GLI2: variants seen among roughly 807,000 people sequenced by gnomAD.
GLI2 encodes GLI family zinc finger 2.
A neutral mutation model predicts 78.9 loss-of-function variants in GLI2; 22 were observed. The ratio of observed to expected loss-of-function variants is 0.28; its 90% CI spans 0.20 to 0.40. The LOEUF (loss-of-function observed/expected upper bound fraction) is 0.40. Ranked by LOEUF, GLI2 falls within the 10% of genes least tolerant of loss-of-function variation. The pLI, the probability that GLI2 is intolerant of heterozygous loss-of-function variation, is 1.00. For synonymous variants in GLI2, 974 were observed against 963.7 expected, an observed-to-expected ratio of 1.01 and a Z score of -0.20; for missense variants, 2,097 against 2,213.2, an observed-to-expected ratio of 0.95 and a Z score of 1.05.
rs1310424711 is a variant in GLI2, at chr2:120,735,888, C to A, written c.-428C>A. Among the ~76,000 whole-genome samples, 1 of 151,898 alleles carries A rather than the reference C, an allele frequency of 6.6e-6. No individual in the cohort carries two copies. Among genetic ancestry groups the A allele is most frequent in the Non-Finnish European group, 1.5e-5 (1 of 67,954 alleles). On this transcript the variant is annotated 5_prime_UTR_variant, in exon 1 of 14. Transcript: ENST00000361492. ...GCGGCGCTGATGGATTGCAGAAGTG[C>A]CGGCGCTTGCCAGCCGAGGCAGCAC...
intron 2 of GLI2, among the ~76,000 whole-genome samples, chr2:120,858,414 T>TA (rs1687758388): frequency 1.3e-5 from 2 of 152,302 alleles, no homozygotes; most frequent in Admixed American, 1.3e-4. Flanking sequence ...TTTGTTGAGT[T>TA]AAAATGGGCA....
chr2:120,832,576 C>G (rs1482780832), intron 2 of GLI2, among the ~76,000 whole-genome samples: 1 of 152,220 alleles, frequency 6.6e-6, no homozygotes, highest in Non-Finnish European at 1.5e-5. Context: ...TCTCCCACCC[C>G]CAGCCCAGGG....
intron 1 of GLI2, among the ~76,000 whole-genome samples, chr2:120,772,206 A>G (rs575967588): frequency 4.1e-4 from 62 of 152,260 alleles, no homozygotes; most frequent in African/African-American, 1.5e-3. Context: ...GCCTTGGACC[A>G]GGAGAGGGTA....
At chr2:120,807,222 G>A (rs912148830) in intron 2 of GLI2, among the ~76,000 whole-genome samples, 10 of 152,176 alleles carry the variant, frequency 6.6e-5, no homozygotes, top group African/African-American at 1.9e-4. Context: ...TGGGGCCTGG[G>A]CTTGGACAGG....
chr2:120,960,699 A>G (rs903219156), intron 5 of GLI2, among the ~76,000 whole-genome samples: 1 of 152,208 alleles, frequency 6.6e-6, no homozygotes, highest in Admixed American at 6.5e-5. Flanking sequence ...AACACACTGC[A>G]GTGGTGGAAG....
chr2:120,855,116 G>A (rs1028385459), intron 2 of GLI2, among the ~76,000 whole-genome samples: 5 of 152,242 alleles, frequency 3.3e-5, no homozygotes, highest in Non-Finnish European at 5.9e-5. Context: ...ATGAGCAGAG[G>A]AAAACAGAAC....
intron 2 of GLI2, among the ~76,000 whole-genome samples, chr2:120,910,383 C>T (rs144499885): frequency 6.6e-6 from 1 of 152,338 alleles, no homozygotes; most frequent in African/African-American, 2.4e-5. Flanking sequence ...ACATCCATCA[C>T]CCCATTTCCT....
chr2:120,778,464 G>A (rs574773605), intron 1 of GLI2, among the ~76,000 whole-genome samples: 9 of 152,304 alleles, frequency 5.9e-5, no homozygotes, highest in African/African-American at 1.9e-4. Flanking sequence ...GTTACCTGCC[G>A]GGTTCCTAGG....
At chr2:120,811,953 G>T (rs1456648457) in intron 2 of GLI2, among the ~76,000 whole-genome samples, 1 of 152,060 alleles carries the variant, frequency 6.6e-6, no homozygotes, top group Non-Finnish European at 1.5e-5. Flanking sequence ...GAACACACAG[G>T]CAAGGTCCAC....
At chr2:120,847,316 C>G (rs141224032) in intron 2 of GLI2, among the ~76,000 whole-genome samples, 171 of 151,906 alleles carry the variant, frequency 1.1e-3, no homozygotes, top group African/African-American at 3.7e-3. Context: ...AGCCCAGAAG[C>G]CTGGATTATA....
At chr2:120,801,299 C>T (rs528637409) in intron 2 of GLI2, among the ~76,000 whole-genome samples, 18 of 152,148 alleles carry the variant, frequency 1.2e-4, no homozygotes, top group Non-Finnish European at 2.6e-4. Context: ...CCACCATGCC[C>T]GGCTAATTTT....
rs1166401747 is a variant in GLI2 at position 120,940,317 on chromosome 2, C to A, written c.255-10926C>A. Among the ~76,000 whole-genome samples the A allele has an allele frequency of 3.9e-5, 6 of 152,298 alleles. No individual in the cohort carries two copies. In the East Asian group the frequency reaches 1.2e-3, roughly 29 times the overall value. ...GACATTTCTACTATGTTTTTCCCTG[C>A]ATGTTCTCCTCCCACCCAGATGTCT... On this transcript the variant is annotated intron_variant, in intron 3 of 13. Transcript: ENST00000361492.
chr2:120,964,903 C>T (rs1309306778), intron 5 of GLI2, among the ~76,000 whole-genome samples: 1 of 152,246 alleles, frequency 6.6e-6, no homozygotes, highest in Non-Finnish European at 1.5e-5. Flanking sequence ...CTTCTTTGGA[C>T]CTGGGTTCAA....
rs140200659 is a variant in GLI2 at position 120,970,056 on chromosome 2, C to T, written c.846-337C>T. The stretch of plus-strand genomic sequence containing the variant: ...GGATTCGGAGGCCTCATGGGTTTCA[C>T]GTAGTCAGGGAGCAGCGATACAGAC... On this transcript the variant is annotated intron_variant, in intron 6 of 13. Transcript: ENST00000361492. Among the ~76,000 whole-genome samples the T allele has an allele frequency of 3.6e-4, 55 of 152,234 alleles. No individual in the cohort carries two copies. The South Asian group carries it at 5.2e-3, about 14-fold the overall frequency.
At chr2:120,920,073 A>C (rs1362446001) in intron 2 of GLI2, among the ~76,000 whole-genome samples, 1 of 152,228 alleles carries the variant, frequency 6.6e-6, no homozygotes, top group East Asian at 1.9e-4. Context: ...CAGCGACCAC[A>C]TGCTTCCAAG....
At chr2:120,832,060 A>T (rs1686388464) in intron 2 of GLI2, among the ~76,000 whole-genome samples, 1 of 152,168 alleles carries the variant, frequency 6.6e-6, no homozygotes, top group South Asian at 2.1e-4. Context: ...ACAGCATGGT[A>T]CTTGCTTGGT....
intron 1 of GLI2, among the ~76,000 whole-genome samples, chr2:120,759,622 G>A (rs147504855): frequency 3.1e-3 from 470 of 152,294 alleles, no homozygotes; most frequent in African/African-American, 0.011. Context: ...CATGTGCTCA[G>A]CTATCTCTGG....
Position 120,797,405 on chromosome 2 carries a change from G to T in GLI2, c.85G>T (p.Gly29Cys). 6.2e-7 allele frequency: 1 copy of T among 1,614,070 alleles called. No individual in the cohort carries two copies. Among genetic ancestry groups the T allele is most frequent in the South Asian group, 1.1e-5 (1 of 91,066 alleles). The part of the protein sequence containing the change: ...ILEAAGFPDP[G>C]KKASPLVVAA... ...GGAGGCCGCTGGCTTCCCCGACCCG[G>T]GTAAAAAGGCCTCTCCTTTGGTGGT... Residue 29 changes from glycine (G) to cysteine (C), a missense_variant, in exon 2 of 14, where the codon GGT (glycine) becomes TGT (cysteine). This residue lies in a region of GLI2 where 578 missense variants were observed against 612.0 expected (regional missense o/e 0.94). Coordinates refer to ENST00000361492, the MANE Select transcript of GLI2 (RefSeq NM_001374353.1).
chr2:120,955,510 T>G, intron 5 of GLI2, 80 bp downstream of exon 5: 1 of 994,780 alleles, frequency 1.0e-6, no homozygotes, highest in Non-Finnish European at 1.5e-6. Context: ...GCTGTTTCTT[T>G]TGGGGACAAG....
Sources: gnomAD v4.1 joint callset for allele counts (sites outside exome capture counted in the v4.1 genomes callset) on GRCh38, gnomAD v4.1.1 for gene constraint, gnomAD v4.1.1 regional missense constraint, MANE v1.5 for transcripts, NCBI Gene and HGNC (gene_info 2026-07-23, HGNC 2026-07-21) for gene names.